ESF1: variants seen among roughly 807,000 people sequenced by gnomAD.
ESF1 encodes the protein ESF1 nucleolar pre-rRNA processing protein, also known as ESF1 homolog.
Under a neutral mutation model 92.0 loss-of-function variants are expected in ESF1, and 58 were observed. The observed-to-expected ratio is 0.63, with a 90% CI of 0.51 to 0.78. ESF1 has a LOEUF of 0.78. ESF1 is among the 30% of genes least tolerant of loss of function. The probability of loss-of-function intolerance (pLI) is 0.00; values close to 1 mark genes in which losing one functional copy is unlikely to be tolerated. For missense variants in ESF1, 922 were observed against 989.1 expected, an observed-to-expected ratio of 0.93 and a Z score of 0.91; for synonymous variants, 321 against 313.7, an observed-to-expected ratio of 1.02 and a Z score of -0.24.
At chr20:13,759,649 C>A in intron 9 of ESF1, 43 bp downstream of exon 9, 2 of 1,559,776 alleles carry the variant, frequency 1.3e-6, no homozygotes, top group Non-Finnish European at 1.7e-6. Flanking sequence ...ACTCAACATG[C>A]TGAAATTCGA....
rs751395034 is a variant in ESF1, at chr20:13,715,122, A to C, written c.2308T>G (p.Leu770Val). ...GGATCTGAGGGGTCCAAATTGAACA[A>C]GTGGGAAGTGTACATTGCCTGAAAC... is the stretch of plus-strand genomic sequence containing the variant. Reference protein sequence around the residue: ...ARFQAMYTSHLFNLDPSDPNF... With the variant: ...ARFQAMYTSHVFNLDPSDPNF... The change falls in exon 14 of 14, where the codon TTG becomes GTG. Residue 770 changes from leucine (L) to valine (V), a missense_variant. Leu to Val is a conservative substitution (Grantham distance 32, BLOSUM62 1). Transcript: ENST00000617257. 1 of 1,613,406 alleles carries C rather than the reference A, an allele frequency of 6.2e-7. No individual in the cohort carries two copies. The highest frequency in any genetic ancestry group is 1.7e-5 in the Admixed American group (1 of 59,964).
intron 9 of ESF1, among the ~76,000 whole-genome samples, chr20:13,750,495 A>T (rs111560533): frequency 1.9e-4 from 29 of 152,188 alleles, no homozygotes; most frequent in Middle Eastern, 3.4e-3. Flanking sequence ...AAAGAGCGAG[A>T]CTCCCTCTCG....
intron 5 of ESF1, 78 bp downstream of exon 5, chr20:13,772,437 C>A: frequency 1.8e-6 from 2 of 1,111,122 alleles, no homozygotes; most frequent in Non-Finnish European, 2.7e-6. Flanking sequence ...TTAGTTTTAA[C>A]TATTAAGGTG....
chr20:13,782,572 G>A lies in ESF1; in HGVS notation c.569C>T (p.Ser190Leu), dbSNP rs1420299753. 6 of 1,580,182 alleles carry A rather than the reference G, an allele frequency of 3.8e-6. No individual in the cohort carries two copies. The highest frequency in any genetic ancestry group is 2.3e-5 in the East Asian group (1 of 43,924). ...AGATTTCACAATTTCAGAGGTGCCT[G>A]AGTCTAATGTCCTTTGTTTTTCTTC... ...SLEEKQRTLD[S>L]GTSEIVKSPR... The change falls in exon 2 of 14, where the codon TCA (serine) becomes TTA (leucine). Residue 190 changes from serine (S) to leucine (L), a missense_variant. By Grantham distance (145) the Ser-to-Leu change is moderately radical. Coordinates refer to ENST00000617257, the MANE Select transcript of ESF1 (RefSeq NM_001276380.2).
intron 1 of ESF1, among the ~76,000 whole-genome samples, chr20:13,783,556 G>A (rs945638692): frequency 4.8e-4 from 73 of 152,312 alleles, no homozygotes; most frequent in South Asian, 2.1e-4. Flanking sequence ...CCTAGGCCGA[G>A]TGCGGTGGCT....
In ESF1 at chr20:13,714,734, G is replaced by C; in HGVS notation, c.*140C>G. 1 of 775,126 alleles carries C rather than the reference G, an allele frequency of 1.3e-6. No individual in the cohort carries two copies. Among genetic ancestry groups the C allele is most frequent in the South Asian group, 2.2e-5 (1 of 44,618 alleles). The allele number at this position is 775,126 out of a possible 1,614,324, so 48.0% of individuals were successfully genotyped here. ...CCACAATTAAGTACAATTATTTATG[G>C]AGAAAAATTTTACTATGTCCAGAAA... On this transcript the variant is annotated 3_prime_UTR_variant, in exon 14 of 14. Transcript: ENST00000617257.
chr20:13,714,984 C>T lies in ESF1; in HGVS notation c.2446G>A (p.Glu816Lys). ...ATGGACTTCCTTTGTGATTCCTTTT[C>T]AATCTCACTCTCTTTTTTCTTTATT... ...QAIKKKESEI[E>K]KESQRKSIDP... Residue 816 changes from glutamate to lysine, a missense_variant, in exon 14 of 14, where the codon GAA becomes AAA. Transcript: ENST00000617257. 1 of 1,613,918 alleles carries T rather than the reference C, an allele frequency of 6.2e-7. No homozygotes were observed. The highest frequency in any genetic ancestry group is 8.5e-7 in the Non-Finnish European group (1 of 1,179,980).
intron 6 of ESF1, 124 bp downstream of exon 6, chr20:13,771,207 T>C (rs1979665827): frequency 1.2e-6 from 1 of 855,298 alleles, no homozygotes; most frequent in Non-Finnish European, 1.9e-6. Flanking sequence ...TGGGATAGAG[T>C]TAACCGAAAA....
At chr20:13,778,463 A>T (rs375921506) in intron 2 of ESF1, among the ~76,000 whole-genome samples, 13 of 151,950 alleles carry the variant, frequency 8.6e-5, no homozygotes, top group Non-Finnish European at 7.4e-5. Flanking sequence ...TTTGAATATC[A>T]TTTTTTTATT....
intron 5 of ESF1, among the ~76,000 whole-genome samples, chr20:13,771,690 T>C (rs1979690091): frequency 6.6e-6 from 1 of 152,180 alleles, no homozygotes; most frequent in Non-Finnish European, 1.5e-5. Flanking sequence ...GGATTGGAAT[T>C]TGGTATCTAG....
intron 9 of ESF1, among the ~76,000 whole-genome samples, chr20:13,758,056 G>A (rs1978980581): frequency 1.1e-5 from 1 of 94,268 alleles, no homozygotes; most frequent in African/African-American, 3.4e-5. Context: ...CCTTATGGTG[G>A]AGATTTACTG....
intron 8 of ESF1, among the ~76,000 whole-genome samples, chr20:13,761,818 G>C (rs900483266): frequency 7.9e-5 from 12 of 152,190 alleles, no homozygotes; most frequent in Non-Finnish European, 1.2e-4. Context: ...CAAAAAGTTT[G>C]TTCTACATTT....
intron 8 of ESF1, among the ~76,000 whole-genome samples, chr20:13,764,228 T>A (rs533265312): frequency 1.3e-5 from 2 of 152,364 alleles, no homozygotes; most frequent in Admixed American, 6.5e-5. Context: ...TCTGTCAGCA[T>A]TAAATCTCTT....
intron 7 of ESF1, among the ~76,000 whole-genome samples, chr20:13,768,567 G>C (rs1298082150): frequency 1.3e-5 from 2 of 151,376 alleles, no homozygotes; most frequent in African/African-American, 4.9e-5. Flanking sequence ...AGGCGACAGA[G>C]TGAGACTCAG....
chr20:13,776,326 G>A, intron 2 of ESF1, 56 bp from the exon 3 acceptor site: 1 of 1,480,276 alleles, frequency 6.8e-7, no homozygotes. Flanking sequence ...GAATTAAACT[G>A]AATCCAAATT....
rs1260363359 is a variant in ESF1, at chr20:13,776,074, C to G, written c.834G>C (p.Glu278Asp). The G allele has an allele frequency of 6.2e-7, 1 of 1,613,220 alleles. No individual in the cohort carries two copies. Residue 278 changes from glutamate to aspartate, a missense_variant, in exon 3 of 14, where the codon GAG becomes GAC. By Grantham distance (45) the Glu-to-Asp change is conservative. Coordinates refer to ENST00000617257, the MANE Select transcript of ESF1 (RefSeq NM_001276380.2). The part of the protein sequence containing the change: ...DDDGSEDDEE[E>D]DEDEEEDEDE... ...CTTCATCCTCCTCTTCATCTTCATCCTCCTCTTCATCATCTTCACTTCCAT... is the reference window on the plus strand; with the variant it reads ...CTTCATCCTCCTCTTCATCTTCATCGTCCTCTTCATCATCTTCACTTCCAT...
intron 11 of ESF1, among the ~76,000 whole-genome samples, chr20:13,724,490 T>TA (rs994993283): frequency 3.3e-5 from 5 of 152,262 alleles, no homozygotes; most frequent in African/African-American, 1.2e-4. Flanking sequence ...CACCTATCCT[T>TA]AAAACCATCC....
At chr20:13,765,932 A>G (rs1979408188) in intron 8 of ESF1, among the ~76,000 whole-genome samples, 1 of 152,202 alleles carries the variant, frequency 6.6e-6, no homozygotes. Flanking sequence ...AAAATATAAA[A>G]AGTGGTATTT....
intron 10 of ESF1, among the ~76,000 whole-genome samples, chr20:13,729,700 T>A (rs955580561): frequency 2.6e-5 from 4 of 152,230 alleles, no homozygotes; most frequent in African/African-American, 9.6e-5. Context: ...TAGGACAATG[T>A]AATGAACCCT....
Sources: allele counts gnomAD v4.1 joint callset (sites outside exome capture counted in the v4.1 genomes callset), GRCh38; gene constraint gnomAD v4.1.1; transcripts MANE v1.5; gene names NCBI Gene and HGNC (gene_info 2026-07-23, HGNC 2026-07-21).